CLNK: variants seen among roughly 807,000 people sequenced by gnomAD.
The protein encoded by CLNK is cytokine-dependent hematopoietic cell linker.
A neutral mutation model predicts 68.6 loss-of-function variants in CLNK; 74 were observed. That is an observed-to-expected ratio of 1.08 (90% CI 0.89 to 1.31). The LOEUF is 1.31. CLNK is among the 50% of genes most tolerant of loss of function. CLNK has a pLI of 0.00. For missense variants in CLNK, 553 were observed against 515.3 expected, an observed-to-expected ratio of 1.07 and a Z score of -0.71; for synonymous variants, 198 against 172.2, an observed-to-expected ratio of 1.15 and a Z score of -1.17.
chr4:10,690,690 G>C, the CLNK span, among the ~76,000 whole-genome samples: 19 of 152,072 alleles, frequency 1.2e-4, no homozygotes, highest in Admixed American at 9.8e-4. Context: ...TTACAATAAC[G>C]CCTCTGTGTT....
chr4:10,592,203 C>T (rs1288595700), intron 3 of CLNK, among the ~76,000 whole-genome samples: 1 of 151,984 alleles, frequency 6.6e-6, no homozygotes, highest in Non-Finnish European at 1.5e-5. Flanking sequence ...TTTTCCTTTC[C>T]TCAATTAGAC....
chr4:10,622,162 T>A (rs1722482307), intron 2 of CLNK, among the ~76,000 whole-genome samples: 1 of 152,172 alleles, frequency 6.6e-6, no homozygotes, highest in Admixed American at 6.5e-5. Flanking sequence ...TGCATTCTCT[T>A]CCCCTTTATT....
chr4:10,616,076 G>A (rs2531192), intron 2 of CLNK, among the ~76,000 whole-genome samples: 105,545 of 152,130 alleles, frequency 0.69, 37,508 homozygotes, highest in East Asian at 0.77. Flanking sequence ...TAAAAGCAAA[G>A]ATAATGAATA....
At chr4:10,507,730 C>A (rs1364078625) in intron 17 of CLNK, among the ~76,000 whole-genome samples, 1 of 152,096 alleles carries the variant, frequency 6.6e-6, no homozygotes, top group Non-Finnish European at 1.5e-5. Flanking sequence ...GAGCCACCTA[C>A]CTCGGCCTCC....
intron 18 of CLNK, among the ~76,000 whole-genome samples, chr4:10,494,862 A>G (rs963444925): frequency 7.2e-5 from 11 of 152,224 alleles, no homozygotes; most frequent in Admixed American, 3.3e-4. Context: ...TACATATTGA[A>G]TAATCTTTTC....
At chr4:10,529,893 C>T (rs1718468422) in intron 12 of CLNK, among the ~76,000 whole-genome samples, 1 of 152,142 alleles carries the variant, frequency 6.6e-6, no homozygotes, top group Admixed American at 6.5e-5. Context: ...TGAAATTGCT[C>T]ATTTTTCTTC....
At chr4:10,641,174 G>A (rs1723293798) in intron 2 of CLNK, among the ~76,000 whole-genome samples, 2 of 152,296 alleles carry the variant, frequency 1.3e-5, no homozygotes, top group Middle Eastern at 3.4e-3. Flanking sequence ...ACAGTTGGAG[G>A]GAGGCTGGGA....
chr4:10,600,740 A>G (rs1721562656), intron 2 of CLNK, among the ~76,000 whole-genome samples: 1 of 152,220 alleles, frequency 6.6e-6, no homozygotes, highest in Admixed American at 6.5e-5. Context: ...CATGTAGTTA[A>G]CTGGACAGAG....
chr4:10,703,000 A>G, the CLNK span, among the ~76,000 whole-genome samples: 246 of 152,278 alleles, frequency 1.6e-3, no homozygotes, highest in African/African-American at 5.4e-3. Flanking sequence ...GTGGAAGTGT[A>G]TGTCATATGA....
At position 10,519,535 on chromosome 4, in the gene CLNK, G is replaced by T. The variant is rs576572785; in HGVS notation, c.772+1256C>A. ...CATTTGATGACTAGGGATTGATTTC[G>T]TTGGGTTTATTTTAGCCCTCTTTGG... On this transcript the variant is annotated intron_variant, in intron 15 of 18. Coordinates refer to ENST00000226951, the MANE Select transcript of CLNK (RefSeq NM_052964.4). Among the ~76,000 whole-genome samples the T allele has an allele frequency of 2.9e-4, 44 of 152,214 alleles. 1 individual carries two copies. In the South Asian group the frequency reaches 7.7e-3, roughly 27 times the overall value.
At chr4:10,614,177 T>A (rs1722138633) in intron 2 of CLNK, among the ~76,000 whole-genome samples, 1 of 152,236 alleles carries the variant, frequency 6.6e-6, no homozygotes, top group Admixed American at 6.5e-5. Context: ...CTGGCAGATG[T>A]CTGGGTGAGA....
chr4:10,550,043 T>C (rs1338663528), intron 8 of CLNK, among the ~76,000 whole-genome samples: 1 of 152,218 alleles, frequency 6.6e-6, no homozygotes, highest in Non-Finnish European at 1.5e-5. Context: ...ACATTGTCAA[T>C]ATCACCGTGT....
chr4:10,614,028 G>C (rs747359203), intron 2 of CLNK, among the ~76,000 whole-genome samples: 11 of 152,236 alleles, frequency 7.2e-5, no homozygotes, highest in Non-Finnish European at 1.3e-4. Flanking sequence ...GAGATTGAGA[G>C]AGCAACATCG....
chr4:10,517,473 G>C (rs1717881398), intron 15 of CLNK: 1 of 152,172 alleles, frequency 6.6e-6, no homozygotes, highest in South Asian at 2.1e-4. Context: ...GACAGAGAGA[G>C]TAAAAGGATG....
At chr4:10,595,801 A>C (rs1371479445) in intron 3 of CLNK, among the ~76,000 whole-genome samples, 1 of 152,186 alleles carries the variant, frequency 6.6e-6, no homozygotes, top group East Asian at 1.9e-4. Flanking sequence ...TTCCTGTAGA[A>C]AGGAGACTAA....
chr4:10,636,907 C>G (rs1359933434), intron 2 of CLNK, among the ~76,000 whole-genome samples: 1 of 152,128 alleles, frequency 6.6e-6, no homozygotes, highest in African/African-American at 2.4e-5. Context: ...CAATATATCC[C>G]TCTACTGTAA....
At chr4:10,676,297 T>C (rs73810386) in intron 1 of CLNK, among the ~76,000 whole-genome samples, 4,422 of 152,188 alleles carry the variant, frequency 0.029, 231 homozygotes, top group African/African-American at 0.1. Context: ...CCCAGTCAGA[T>C]CAATCAGCTC....
intron 17 of CLNK, among the ~76,000 whole-genome samples, chr4:10,502,451 C>G (rs1273333778): frequency 1.3e-5 from 2 of 152,046 alleles, no homozygotes; most frequent in Non-Finnish European, 2.9e-5. Flanking sequence ...GATTACAATT[C>G]AAGATGAGAT....
chr4:10,664,837 T>C (rs1253462409), intron 2 of CLNK, among the ~76,000 whole-genome samples: 1 of 152,194 alleles, frequency 6.6e-6, no homozygotes, highest in Admixed American at 6.5e-5. Context: ...ATCTTACCTT[T>C]CATTTGTGTG....
Sources: allele counts gnomAD v4.1 joint callset (sites outside exome capture counted in the v4.1 genomes callset), GRCh38; gene constraint gnomAD v4.1.1; transcripts MANE v1.5; gene names NCBI Gene and HGNC (gene_info 2026-07-23, HGNC 2026-07-21).